The following OBI1 variants were observed in gnomAD, a reference collection of about 807,000 sequenced individuals.
The protein encoded by OBI1 is ring finger protein 219.
In OBI1, 59 loss-of-function variants were observed where a neutral mutation model predicts 62.4. That is an observed-to-expected ratio of 0.95 (90% confidence interval 0.77 to 1.17). The LOEUF (loss-of-function observed/expected upper bound fraction) is 1.17, where lower values mean the gene tolerates loss of function less well. Among genes scored for constraint, OBI1 ranks in the 50% most tolerant of loss-of-function variants. The pLI, the probability that OBI1 is intolerant of heterozygous loss-of-function variation, is 0.00. For missense variants in OBI1, 875 were observed against 830.9 expected (o/e 1.05, Z -0.65); for synonymous variants, 302 against 292.8 (o/e 1.03, Z -0.32).
chr13:78,645,394 C>G (rs1027484991), intron 1 of OBI1, among the ~76,000 whole-genome samples: 7 of 152,190 alleles, frequency 4.6e-5, no homozygotes, highest in Admixed American at 3.3e-4. Flanking sequence ...CCATCTGATG[C>G]CCGAATCCTT....
rs1278391963 is a variant in OBI1, at chr13:78,614,788, G to A, written c.*792C>T. On this transcript the variant is annotated 3_prime_UTR_variant, in exon 6 of 6. Transcript: ENST00000282003. ...GTTCCTCTAAACCCAAGTGCTCCAT[G>A]CCTTCTTTCCATAGTATGCTAAATT... 2 of 152,144 alleles carry A rather than the reference G, an allele frequency of 1.3e-5. No homozygotes were observed. Among genetic ancestry groups the A allele is most frequent in the African/African-American group, 4.8e-5 (2 of 41,424 alleles). The allele number at this position is 152,144 out of a possible 1,614,324, so 9.4% of individuals were successfully genotyped here.
chr13:78,629,398 G>C (rs1875779952), intron 5 of OBI1, among the ~76,000 whole-genome samples: 1 of 152,130 alleles, frequency 6.6e-6, no homozygotes, highest in Non-Finnish European at 1.5e-5. Context: ...AGGTGAGTTA[G>C]TAGCTGAGGA....
chr13:78,637,241 T>C (rs886124185), intron 4 of OBI1, among the ~76,000 whole-genome samples: 4 of 152,226 alleles, frequency 2.6e-5, no homozygotes, highest in African/African-American at 9.6e-5. Flanking sequence ...GAGTATGTTA[T>C]TACTCCACAC....
In OBI1 at chr13:78,639,993, TAAAAAC is replaced by T. The variant is rs555691481; in HGVS notation, c.301-928_301-923del. ...TGTACCCTAAAACTTAAAGTATAAT[TAAAAAC>T]AAAAACAAAAACAAAAACAAAACAA... On this transcript the variant is annotated intron_variant, in intron 3 of 5. Coordinates refer to ENST00000282003, the MANE Select transcript of OBI1 (RefSeq NM_024546.4). Among the ~76,000 whole-genome samples, 1,425 of 149,722 alleles carry T rather than the reference TAAAAAC, an allele frequency of 9.5e-3. 11 individuals carry two copies. Among genetic ancestry groups the T allele is most frequent in the African/African-American group, 0.03 (1,235 of 40,616 alleles).
At chr13:78,618,916 T>A (rs912655382) in intron 5 of OBI1, among the ~76,000 whole-genome samples, 13 of 152,336 alleles carry the variant, frequency 8.5e-5, no homozygotes, top group African/African-American at 3.1e-4. Context: ...GACCTTTCAG[T>A]ACATTAAGTA....
Position 78,615,921 on chromosome 13 carries a change from G to C in OBI1, c.1840C>G (p.Leu614Val). The C allele has an allele frequency of 6.2e-7, 1 of 1,612,362 alleles. No individual in the cohort carries two copies. The highest frequency in any genetic ancestry group is 8.5e-7 in the Non-Finnish European group (1 of 1,179,556). ...ATTTCTTGGTCAGATGGAGAGAGGA[G>C]AAAAAAAGAAGTGGGTTTCCATTCA... ...GSEWKPTSFF[L>V]LSPSDQEMNE... Residue 614 changes from leucine to valine, a missense_variant, in exon 6 of 6, where the codon CTC (leucine) becomes GTC (valine). Coordinates refer to ENST00000282003, the MANE Select transcript of OBI1 (RefSeq NM_024546.4).
At chr13:78,649,802 G>T (rs1426517914) in intron 1 of OBI1, among the ~76,000 whole-genome samples, 1 of 152,130 alleles carries the variant, frequency 6.6e-6, no homozygotes, top group Admixed American at 6.5e-5. Context: ...CAACAGAAGG[G>T]AAAATAGGGG....
At chr13:78,655,900 T>C (rs1180497970) in intron 1 of OBI1, among the ~76,000 whole-genome samples, 2 of 152,128 alleles carry the variant, frequency 1.3e-5, no homozygotes, top group East Asian at 3.9e-4. Flanking sequence ...GTATAATACG[T>C]GTAGGAGGGT....
At chr13:78,627,912 T>C (rs1875725844) in intron 5 of OBI1, among the ~76,000 whole-genome samples, 1 of 152,246 alleles carries the variant, frequency 6.6e-6, no homozygotes. Context: ...GTTTATTCAT[T>C]CAATTATTCA....
chr13:78,636,806 T>G (rs539434678), intron 4 of OBI1, among the ~76,000 whole-genome samples: 6 of 152,218 alleles, frequency 3.9e-5, no homozygotes, highest in African/African-American at 1.4e-4. Flanking sequence ...GGGAGGCATT[T>G]AGTGAATGCT....
At chr13:78,621,382 A>G (rs373141519) in intron 5 of OBI1, among the ~76,000 whole-genome samples, 4 of 152,300 alleles carry the variant, frequency 2.6e-5, no homozygotes, top group African/African-American at 9.6e-5. Flanking sequence ...GTGACCCATC[A>G]AGTCACTTCT....
intron 1 of OBI1, among the ~76,000 whole-genome samples, chr13:78,656,287 G>T (rs1163613696): frequency 2.0e-5 from 3 of 152,156 alleles, no homozygotes; most frequent in African/African-American, 7.2e-5. Flanking sequence ...AGGCTCAAAA[G>T]AGTTAAGTAA....
At chr13:78,629,505 CAG>C (rs1437623766) in intron 5 of OBI1, among the ~76,000 whole-genome samples, 1 of 151,998 alleles carries the variant, frequency 6.6e-6, no homozygotes, top group Non-Finnish European at 1.5e-5. Context: ...CACAACTGAA[CAG>C]AGACATGGAG....
At position 78,615,604 on chromosome 13, in the gene OBI1, G is replaced by T; in HGVS notation, c.2157C>A (p.Ser719Arg). 6.2e-7 allele frequency: 1 copy of T among 1,610,118 alleles called. No homozygotes were observed. The highest frequency in any genetic ancestry group is 8.5e-7 in the Non-Finnish European group (1 of 1,178,236). Residue 719 changes from serine (S) to arginine (R), a missense_variant, in exon 6 of 6, where the codon AGC becomes AGA. Transcript: ENST00000282003. ...RKIQSSLSSA[S>R]PSKATKS is the part of the protein sequence containing the mutation. ...GTCAACTTTTAGTTGCTTTTGATGG[G>T]CTGGCACTGGAAAGGCTGCTCTGGA...
intron 1 of OBI1, among the ~76,000 whole-genome samples, chr13:78,655,798 G>C (rs1181903916): frequency 1.3e-5 from 2 of 152,152 alleles, no homozygotes; most frequent in African/African-American, 2.4e-5. Context: ...AGGCACGAAG[G>C]ACCTTAGGAA....
At chr13:78,619,254 G>A (rs1422528235) in intron 5 of OBI1, among the ~76,000 whole-genome samples, 1 of 151,736 alleles carries the variant, frequency 6.6e-6, no homozygotes, top group East Asian at 1.9e-4. Context: ...CCAGCTTCTT[G>A]TTCCAGGGTT....
intron 5 of OBI1, among the ~76,000 whole-genome samples, chr13:78,630,849 C>T (rs1875823958): frequency 6.6e-6 from 1 of 152,130 alleles, no homozygotes; most frequent in Non-Finnish European, 1.5e-5. Context: ...AAAGGACTAA[C>T]ATAAATGGTG....
intron 3 of OBI1, 64 bp from the exon 4 acceptor site, chr13:78,639,135 A>G: frequency 6.8e-7 from 1 of 1,475,828 alleles, no homozygotes; most frequent in Non-Finnish European, 9.1e-7. Flanking sequence ...ACATATGCTA[A>G]ACTGAAGCCA....
At position 78,622,842 on chromosome 13, in the gene OBI1, T is replaced by C. The variant is rs146741258; in HGVS notation, c.639-5720A>G. On this transcript the variant is annotated intron_variant, in intron 5 of 5. Coordinates refer to ENST00000282003, the MANE Select transcript of OBI1 (RefSeq NM_024546.4). The stretch of plus-strand genomic sequence containing the variant: ...CTATCTTGTGTACATGTGTGCAGGG[T>C]GGGTGGGGCACAATTTAGGAAAAGC... Among the ~76,000 whole-genome samples the C allele has an allele frequency of 7.9e-5, 12 of 152,190 alleles. No homozygotes were observed. The East Asian group carries it at 2.1e-3, about 27-fold the overall frequency.
Sources: gnomAD v4.1 joint callset for allele counts (sites outside exome capture counted in the v4.1 genomes callset) on GRCh38, gnomAD v4.1.1 for gene constraint, MANE v1.5 for transcripts, NCBI Gene and HGNC (gene_info 2026-07-23, HGNC 2026-07-21) for gene names.